TMEM132D: variants seen among roughly 807,000 people sequenced by gnomAD.
The protein encoded by TMEM132D is transmembrane protein 132D.
Under a neutral mutation model 62.3 loss-of-function variants are expected in TMEM132D, and 21 were observed. The observed-to-expected ratio is 0.34, with a 90% CI of 0.24 to 0.49. The LOEUF is 0.49. TMEM132D is among the 20% of genes least tolerant of loss of function. The pLI is 0.99. For synonymous variants in TMEM132D, 621 were observed against 575.6 expected (o/e 1.08, Z -1.13); for missense variants, 1,346 against 1,402.8 (o/e 0.96, Z 0.65).
intron 4 of TMEM132D, among the ~76,000 whole-genome samples, chr12:129,260,110 G>C (rs1880514075): frequency 6.6e-6 from 1 of 152,164 alleles, no homozygotes; most frequent in Non-Finnish European, 1.5e-5. Flanking sequence ...AAAGAGGAAA[G>C]AGTCTACCAC....
intron 3 of TMEM132D, among the ~76,000 whole-genome samples, chr12:129,455,920 T>G (rs1160801227): frequency 6.6e-6 from 1 of 152,140 alleles, no homozygotes; most frequent in Non-Finnish European, 1.5e-5. Flanking sequence ...AACCCTACTC[T>G]CTATGTGAAG....
rs760103290 is a variant in TMEM132D at position 129,892,873 on chromosome 12, CTGTTTGTTTGTT to C, written c.79+10376_79+10387del. Among the ~76,000 whole-genome samples the C allele has an allele frequency of 9.9e-5, 15 of 151,982 alleles. No individual in the cohort carries two copies. In the East Asian group the frequency reaches 2.9e-3, roughly 30 times the overall value. The stretch of plus-strand genomic sequence containing the variant: ...CATAATGGCGCCTGTTTTAAGGACT[CTGTTTGTTTGTT>C]TGTTTGTTTGTGACAGAGTCTCACT... On this transcript the variant is annotated intron_variant, in intron 1 of 8. Coordinates refer to ENST00000422113, the MANE Select transcript of TMEM132D (RefSeq NM_133448.3).
At chr12:129,341,085 C>G (rs1217882402) in intron 3 of TMEM132D, among the ~76,000 whole-genome samples, 2 of 152,094 alleles carry the variant, frequency 1.3e-5, no homozygotes, top group African/African-American at 4.8e-5. Flanking sequence ...TTTAATGCCC[C>G]TTTGTAAATA....
intron 5 of TMEM132D, among the ~76,000 whole-genome samples, chr12:129,123,123 T>A (rs1593268681): frequency 1.3e-5 from 2 of 152,340 alleles, no homozygotes; most frequent in Admixed American, 1.3e-4. Context: ...TTTTGTTGAC[T>A]ATGCTAACAT....
intron 4 of TMEM132D, among the ~76,000 whole-genome samples, chr12:129,269,826 C>T (rs1323655066): frequency 6.6e-6 from 1 of 152,138 alleles, no homozygotes; most frequent in Non-Finnish European, 1.5e-5. Flanking sequence ...TCTCATTTTT[C>T]ACATTATATA....
At chr12:129,583,087 C>T (rs1046305990) in intron 2 of TMEM132D, among the ~76,000 whole-genome samples, 10 of 152,292 alleles carry the variant, frequency 6.6e-5, no homozygotes, top group Admixed American at 1.3e-4. Context: ...GGATTACAGG[C>T]GTGAGCCACT....
intron 2 of TMEM132D, among the ~76,000 whole-genome samples, chr12:129,557,941 A>G (rs1441376885): frequency 6.6e-6 from 1 of 152,256 alleles, no homozygotes; most frequent in Non-Finnish European, 1.5e-5. Context: ...CAGTATACAC[A>G]TAAGCAAAAA....
chr12:129,506,392 C>T (rs1875332015), intron 3 of TMEM132D, among the ~76,000 whole-genome samples: 1 of 152,094 alleles, frequency 6.6e-6, no homozygotes, highest in South Asian at 2.1e-4. Flanking sequence ...AAAGTGCCCA[C>T]ATAGCCAAAG....
chr12:129,602,294 A>G (rs1271874998), intron 2 of TMEM132D, among the ~76,000 whole-genome samples: 7 of 152,220 alleles, frequency 4.6e-5, no homozygotes, highest in African/African-American at 1.7e-4. Flanking sequence ...TTCCAAAAAC[A>G]GAGTACCAAA....
rs925269582 is a variant in TMEM132D at position 129,654,279 on chromosome 12, C to CGT, written c.968+45529_968+45530dup. Among the ~76,000 whole-genome samples the CGT allele has an allele frequency of 8.3e-3, 876 of 105,482 alleles. 9 individuals carry two copies. The highest frequency in any genetic ancestry group is 0.027 in the African/African-American group (813 of 29,942). 69.2% of individuals were successfully genotyped at this position (105,482 alleles called of 152,430 possible). A position where few individuals can be genotyped will look rare whatever the true frequency, so the allele number is the denominator to read the frequency against. On this transcript the variant is annotated intron_variant, in intron 2 of 8. Coordinates refer to ENST00000422113, the MANE Select transcript of TMEM132D (RefSeq NM_133448.3). ...TTTCTCTCTCTCTCTCTCACTCTCT[C>CGT]GTGTGTGTGTGTGTGTGAGTGTGTG...
intron 1 of TMEM132D, among the ~76,000 whole-genome samples, chr12:129,844,434 T>C (rs1873294351): frequency 6.6e-6 from 1 of 152,152 alleles, no homozygotes; most frequent in African/African-American, 2.4e-5. Context: ...ATCCCCCATA[T>C]CTCTTGTAGT....
chr12:129,514,060 C>T (rs930202875), intron 3 of TMEM132D, among the ~76,000 whole-genome samples: 26 of 150,918 alleles, frequency 1.7e-4, no homozygotes, highest in African/African-American at 4.6e-4. Flanking sequence ...AGGATGGTCT[C>T]GATCCCCTGA....
intron 5 of TMEM132D, among the ~76,000 whole-genome samples, chr12:129,207,595 T>C (rs947196180): frequency 2.6e-5 from 4 of 152,072 alleles, no homozygotes; most frequent in Admixed American, 1.3e-4. Context: ...GGGATGCCTG[T>C]CCTGTTACAG....
At chr12:129,576,978 C>T (rs751869111) in intron 2 of TMEM132D, among the ~76,000 whole-genome samples, 11 of 151,846 alleles carry the variant, frequency 7.2e-5, no homozygotes, top group Non-Finnish European at 1.3e-4. Flanking sequence ...TGGCTGCAGA[C>T]CTCAGTCTAC....
At chr12:129,262,531 T>C (rs12422296) in intron 4 of TMEM132D, 13,749 of 152,244 alleles carry the variant, frequency 0.09, 775 homozygotes, top group Admixed American at 0.18. Flanking sequence ...CAACAGCAGA[T>C]GTTGTCAAGG....
chr12:129,289,856 T>A (rs1881403238), intron 4 of TMEM132D, among the ~76,000 whole-genome samples: 1 of 152,078 alleles, frequency 6.6e-6, no homozygotes, highest in African/African-American at 2.4e-5. Flanking sequence ...TGTCAATCAA[T>A]CCATCAATTA....
At chr12:129,368,363 C>T (rs1870489629) in intron 3 of TMEM132D, among the ~76,000 whole-genome samples, 3 of 152,176 alleles carry the variant, frequency 2.0e-5, no homozygotes, top group Non-Finnish European at 4.4e-5. Flanking sequence ...TTAACCCCTT[C>T]CACATTCTCC....
intron 3 of TMEM132D, among the ~76,000 whole-genome samples, chr12:129,513,825 TTTATTTATTTATTTATTTA>T (rs1235708616): frequency 1.5e-5 from 2 of 136,744 alleles, no homozygotes; most frequent in Non-Finnish European, 3.1e-5. Flanking sequence ...TATTTATTTA[TTTATTTATTTATTTATTTA>T]TTTATTTTTT....
chr12:129,159,576 G>A (rs968025227), intron 5 of TMEM132D, among the ~76,000 whole-genome samples: 1 of 151,996 alleles, frequency 6.6e-6, no homozygotes, highest in Non-Finnish European at 1.5e-5. Flanking sequence ...GGCCAACAGG[G>A]CAAAACCCTG....
Sources: allele counts gnomAD v4.1 joint callset (sites outside exome capture counted in the v4.1 genomes callset), GRCh38; gene constraint gnomAD v4.1.1; transcripts MANE v1.5; gene names NCBI Gene and HGNC (gene_info 2026-07-23, HGNC 2026-07-21).